The following DRC5 variants were observed in gnomAD, a reference collection of about 807,000 sequenced individuals.
DRC5 encodes T-complex-associated testis-expressed protein 1.
At chr6:44,292,150 C>T in the DRC5 span, among the ~76,000 whole-genome samples, 1 of 152,206 alleles carries the variant, frequency 6.6e-6, no homozygotes. Context: ...AAAATCCAGC[C>T]TCCTCACCTT....
chr6:44,282,417 A>G, the DRC5 span: 1 of 1,614,068 alleles, frequency 6.2e-7, no homozygotes, highest in East Asian at 2.2e-5. Flanking sequence ...GTGGCTCAGC[A>G]GCTTGGCAGC....
the DRC5 span, among the ~76,000 whole-genome samples, chr6:44,288,993 CAAAAAAAA>C: frequency 4.8e-3 from 156 of 32,808 alleles, no homozygotes; most frequent in African/African-American, 0.024. Context: ...GACTCTGTCT[CAAAAAAAA>C]AAAAAAAAAA....
chr6:44,288,463 ACCCTAC>A, the DRC5 span, among the ~76,000 whole-genome samples: 2 of 151,930 alleles, frequency 1.3e-5, no homozygotes, highest in African/African-American at 4.8e-5. Flanking sequence ...CATGCTCTGA[ACCCTAC>A]ATTGGACCGG....
At chr6:44,296,947 T>TTACCACAGCCCC in the DRC5 span, among the ~76,000 whole-genome samples, 2 of 135,386 alleles carry the variant, frequency 1.5e-5, no homozygotes, top group African/African-American at 5.3e-5. Flanking sequence ...GCCCGTGTGC[T>TTACCACAGCCCC]TGGACTTGGG....
At chr6:44,290,036 G>GGA in the DRC5 span, among the ~76,000 whole-genome samples, 1 of 152,208 alleles carries the variant, frequency 6.6e-6, no homozygotes, top group Admixed American at 6.5e-5. Context: ...CGGGTGGCAG[G>GGA]GAGAGAGATA....
the DRC5 span, chr6:44,281,995 C>T: frequency 1.8e-5 from 18 of 991,982 alleles, no homozygotes; most frequent in African/African-American, 9.7e-5. Context: ...AGTATGTGTG[C>T]ATACTTGATG....
chr6:44,279,750 TGTGTG>T, the DRC5 span: 1 of 12,896 alleles, frequency 7.8e-5, no homozygotes, highest in African/African-American at 1.9e-4. Flanking sequence ...AGCCAGAGGG[TGTGTG>T]TGTGTGTGTG....
chr6:44,295,181 A>G, the DRC5 span, among the ~76,000 whole-genome samples: 1 of 152,302 alleles, frequency 6.6e-6, no homozygotes, highest in African/African-American at 2.4e-5. Context: ...AGTCTTGAAC[A>G]TGGGCAGGGC....
chr6:44,282,087 C>A, the DRC5 span: 20 of 1,599,502 alleles, frequency 1.3e-5, no homozygotes, highest in Admixed American at 3.4e-4. Context: ...CCCACCCTCA[C>A]AAGCCCAGAA....
chr6:44,291,137 G>C, the DRC5 span, among the ~76,000 whole-genome samples: 2 of 152,168 alleles, frequency 1.3e-5, no homozygotes, highest in Non-Finnish European at 2.9e-5. Context: ...ATAAAAATGA[G>C]CCCCTACTAC....
the DRC5 span, among the ~76,000 whole-genome samples, chr6:44,280,678 G>A: frequency 6.6e-6 from 1 of 152,208 alleles, no homozygotes; most frequent in Non-Finnish European, 1.5e-5. Flanking sequence ...CAAATCTAAT[G>A]AGATGTGAGG....
At chr6:44,280,302 C>A in the DRC5 span, 6 of 1,614,230 alleles carry the variant, frequency 3.7e-6, no homozygotes, top group Admixed American at 1.7e-5. Context: ...GAGGTACTCG[C>A]TTTCCTGGGC....
chr6:44,284,982 AGATAGCCTCCT>A, the DRC5 span, among the ~76,000 whole-genome samples: 1 of 152,196 alleles, frequency 6.6e-6, no homozygotes, highest in Non-Finnish European at 1.5e-5. Context: ...CTAAGGATAA[AGATAGCCTCCT>A]GGACAAAGCC....
the DRC5 span, chr6:44,282,082 C>G: frequency 1.4e-5 from 22 of 1,595,332 alleles, no homozygotes; most frequent in Middle Eastern, 1.8e-4. Context: ...CCACACCCAC[C>G]CTCACAAGCC....
the DRC5 span, among the ~76,000 whole-genome samples, chr6:44,291,893 T>C: frequency 1.3e-5 from 2 of 152,130 alleles, no homozygotes; most frequent in Non-Finnish European, 2.9e-5. Flanking sequence ...GTCACCTCTC[T>C]CTCTTTCAGC....
chr6:44,292,962 A>G, the DRC5 span, among the ~76,000 whole-genome samples: 12 of 152,152 alleles, frequency 7.9e-5, no homozygotes, highest in African/African-American at 2.9e-4. Context: ...CAGCCTTCTA[A>G]TAAGTCCCTT....
chr6:44,282,283 CG>C, the DRC5 span: 1 of 1,614,170 alleles, frequency 6.2e-7, no homozygotes, highest in Non-Finnish European at 8.5e-7. Flanking sequence ...CCCTCATCCT[CG>C]ATGCAGTTGA....
At chr6:44,293,393 G>T in the DRC5 span, among the ~76,000 whole-genome samples, 2 of 151,266 alleles carry the variant, frequency 1.3e-5, no homozygotes, top group South Asian at 4.2e-4. Flanking sequence ...TGGGAGGATT[G>T]CTTGAGGCTA....
At chr6:44,283,998 G>A in the DRC5 span, among the ~76,000 whole-genome samples, 649 of 152,244 alleles carry the variant, frequency 4.3e-3, no homozygotes, top group Non-Finnish European at 7.1e-3. Context: ...TCTTGCAACT[G>A]GATGGAGCCT....
Sources: gnomAD v4.1 joint callset for allele counts (sites outside exome capture counted in the v4.1 genomes callset) on GRCh38, gnomAD v4.1.1 for gene constraint, MANE v1.5 for transcripts, NCBI Gene and HGNC (gene_info 2026-07-23, HGNC 2026-07-21) for gene names.